DOCK10: variants seen among roughly 807,000 people sequenced by gnomAD.
DOCK10 encodes dedicator of cytokinesis protein 10.
Under a neutral mutation model 280.1 loss-of-function variants are expected in DOCK10, and 145 were observed. That is an observed-to-expected ratio of 0.52 (90% CI 0.45 to 0.59). DOCK10 has a LOEUF of 0.59. DOCK10 is among the 20% of genes least tolerant of loss of function. The pLI is 0.00. For synonymous variants in DOCK10, 915 were observed against 942.2 expected (o/e 0.97, Z 0.53); for missense variants, 2,368 against 2,651.7 (o/e 0.89, Z 2.35).
rs192733197 is a variant in DOCK10, at chr2:224,946,594, T to A, written c.124-14926A>T. Reference sequence around the variant, plus strand: ...CTAAGATCACCTTAAATTCCAAATATTATAGTAATGTTTTAATGATTAAAT... The same window carrying A: ...CTAAGATCACCTTAAATTCCAAATAATATAGTAATGTTTTAATGATTAAAT... On this transcript the variant is annotated intron_variant, in intron 1 of 55. Transcript: ENST00000258390. Among the ~76,000 whole-genome samples the A allele has an allele frequency of 2.5e-3, 375 of 152,306 alleles. 1 individual carries two copies. The highest frequency in any genetic ancestry group is 9.9e-3 in the South Asian group (48 of 4,826).
chr2:224,882,710 C>G (rs1699046884), intron 7 of DOCK10, among the ~76,000 whole-genome samples: 1 of 152,102 alleles, frequency 6.6e-6, no homozygotes, highest in Non-Finnish European at 1.5e-5. Context: ...TTCAACGGAA[C>G]CTGGCAATGA....
At chr2:224,962,323 T>C (rs763686253) in intron 1 of DOCK10, among the ~76,000 whole-genome samples, 2 of 152,170 alleles carry the variant, frequency 1.3e-5, no homozygotes, top group Non-Finnish European at 2.9e-5. Context: ...CTCAGCACAA[T>C]AGAGTGAGGC....
At chr2:225,027,358 G>A (rs1033218839) in intron 1 of DOCK10, among the ~76,000 whole-genome samples, 1 of 152,150 alleles carries the variant, frequency 6.6e-6, no homozygotes, top group South Asian at 2.1e-4. Flanking sequence ...GATGACCACT[G>A]TAATAATGAA....
intron 43 of DOCK10, 81 bp downstream of exon 43, chr2:224,796,883 C>T: frequency 1.5e-6 from 2 of 1,346,088 alleles, no homozygotes; most frequent in Middle Eastern, 1.9e-4. Context: ...ACGGCTTGCC[C>T]TGAGGACAGT....
At chr2:224,964,618 C>T (rs1704631015) in intron 1 of DOCK10, among the ~76,000 whole-genome samples, 1 of 152,116 alleles carries the variant, frequency 6.6e-6, no homozygotes, top group East Asian at 1.9e-4. Context: ...CATCGGCCCA[C>T]CTTGGCCTTC....
At chr2:224,884,527 A>AG (rs1283417020) in intron 7 of DOCK10, among the ~76,000 whole-genome samples, 1 of 152,210 alleles carries the variant, frequency 6.6e-6, no homozygotes, top group African/African-American at 2.4e-5. Context: ...TTATTTCATC[A>AG]GAGTAGGAAG....
intron 3 of DOCK10, among the ~76,000 whole-genome samples, chr2:224,905,091 G>A (rs1700517877): frequency 6.6e-6 from 1 of 152,148 alleles, no homozygotes; most frequent in African/African-American, 2.4e-5. Flanking sequence ...TGCAAGGGAA[G>A]AAGAGGAAGA....
At chr2:224,886,568 T>C (rs765708899) in intron 4 of DOCK10, 37 bp from the exon 5 acceptor site, 5 of 1,538,536 alleles carry the variant, frequency 3.2e-6, no homozygotes, top group East Asian at 2.3e-5. Context: ...TGATTTGTCA[T>C]TGGAGACAGC....
intron 17 of DOCK10, 91 bp downstream of exon 17, chr2:224,852,844 T>A: frequency 9.0e-7 from 1 of 1,114,532 alleles, no homozygotes; most frequent in Non-Finnish European, 1.2e-6. Context: ...TGTTGCCCCA[T>A]AGTAATTTGT....
chr2:224,949,407 G>A (rs907617484), intron 1 of DOCK10, among the ~76,000 whole-genome samples: 2 of 152,164 alleles, frequency 1.3e-5, no homozygotes, highest in African/African-American at 2.4e-5. Context: ...TAAATCATCA[G>A]AATTTATTAA....
At chr2:224,776,752 G>A (rs1690893700) in intron 51 of DOCK10, among the ~76,000 whole-genome samples, 1 of 152,118 alleles carries the variant, frequency 6.6e-6, no homozygotes, top group African/African-American at 2.4e-5. Context: ...TCAAAGACCT[G>A]CCATTCTCTA....
At chr2:224,873,617 A>AAAAC (rs1698433968) in intron 11 of DOCK10, among the ~76,000 whole-genome samples, 1 of 150,964 alleles carries the variant, frequency 6.6e-6, no homozygotes, top group African/African-American at 2.4e-5. Flanking sequence ...AAAAAAAAAA[A>AAAAC]AAGCCATCTT....
intron 7 of DOCK10, among the ~76,000 whole-genome samples, chr2:224,883,041 A>C (rs928611720): frequency 6.6e-6 from 1 of 152,212 alleles, no homozygotes; most frequent in Non-Finnish European, 1.5e-5. Context: ...GATGAAGAGG[A>C]ATATAAATGC....
intron 1 of DOCK10, among the ~76,000 whole-genome samples, chr2:224,989,282 A>G (rs937322019): frequency 6.6e-6 from 1 of 152,190 alleles, no homozygotes; most frequent in African/African-American, 2.4e-5. Context: ...CTGTGGAGTC[A>G]TGTGATGGGA....
chr2:224,783,036 C>T (rs1691465070), intron 50 of DOCK10, among the ~76,000 whole-genome samples: 1 of 152,188 alleles, frequency 6.6e-6, no homozygotes, highest in African/African-American at 2.4e-5. Context: ...GTGATATGTG[C>T]TGTCTGCTCC....
rs146438420 is a variant in DOCK10 at position 224,932,460 on chromosome 2, T to C, written c.124-792A>G. 4.5e-4 allele frequency among the ~76,000 whole-genome samples: 69 copies of C among 152,220 alleles called. 2 individuals are homozygous for C. Among genetic ancestry groups the C allele is most frequent in the Admixed American group, 1.8e-3 (28 of 15,286 alleles). On this transcript the variant is annotated intron_variant, in intron 1 of 55. Transcript: ENST00000258390. ...TACAGAACTCATAAGGTGAGAAAAG[T>C]GGACCCTCCCTCGCCGCAAAACACA...
At chr2:224,961,773 GGGATTAC>G (rs1237824495) in intron 1 of DOCK10, among the ~76,000 whole-genome samples, 5 of 152,058 alleles carry the variant, frequency 3.3e-5, no homozygotes, top group Admixed American at 6.5e-5. Context: ...CCAAAGTGCT[GGGATTAC>G]AAGTGTGAGC....
chr2:224,798,188 A>C (rs901629259), intron 41 of DOCK10, among the ~76,000 whole-genome samples: 1 of 152,214 alleles, frequency 6.6e-6, no homozygotes, highest in Non-Finnish European at 1.5e-5. Flanking sequence ...GATGTGATTG[A>C]AAGTAGTTGC....
chr2:224,874,078 T>C lies in DOCK10; in HGVS notation c.1175A>G (p.Lys392Arg), dbSNP rs758860485. 3.1e-6 allele frequency: 5 copies of C among 1,612,948 alleles called. No homozygotes were observed. The South Asian group carries it at 4.4e-5, about 14-fold the overall frequency. Residue 392 changes from lysine to arginine, a missense_variant, in exon 11 of 56, where the codon AAG (lysine) becomes AGG (arginine). Coordinates refer to ENST00000258390, the MANE Select transcript of DOCK10 (RefSeq NM_014689.3). ...VIKPFEEKAA[K>R]RIMIICKALN... The stretch of plus-strand genomic sequence containing the variant: ...GGCTTTACAGATGATCATGATTCTC[T>C]TGGCAGCTTTTTCTTCAAATGGTTT...
Sources: allele counts gnomAD v4.1 joint callset (sites outside exome capture counted in the v4.1 genomes callset), GRCh38; gene constraint gnomAD v4.1.1; transcripts MANE v1.5; gene names NCBI Gene and HGNC (gene_info 2026-07-23, HGNC 2026-07-21).